The following SERPINA1 variants were observed in gnomAD, a reference collection of about 807,000 sequenced individuals.
SERPINA1 encodes alpha-1-antitrypsin.
SERPINA1 carries 21 observed loss-of-function variants against 25.4 expected under a neutral mutation model. The observed-to-expected ratio is 0.83, with a 90% confidence interval of 0.59 to 1.19. The LOEUF (loss-of-function observed/expected upper bound fraction) is 1.19. Ranked by LOEUF, SERPINA1 falls within the 50% of genes most tolerant of loss-of-function variation. The pLI is 0.00. For missense variants in SERPINA1, 546 were observed against 509.0 expected, an observed-to-expected ratio of 1.07 and a Z score of -0.70; for synonymous variants, 218 against 211.1, an observed-to-expected ratio of 1.03 and a Z score of -0.29.
chr14:94,380,905 T>C lies in SERPINA1; in HGVS notation c.883A>G (p.Ile295Val). Residue 295 changes from isoleucine (I) to valine (V), a missense_variant, in exon 3 of 5, where the codon ATC becomes GTC. Physicochemically the swap from Ile to Val is conservative, Grantham distance 29. Coordinates refer to ENST00000393087, the MANE Select transcript of SERPINA1 (RefSeq NM_000295.5). ...TCATTTTCCAGGAACTTGGTGATGATATCGTGGGTGAGTTCATTTTCCAGG... is the reference window on the plus strand; with the variant it reads ...TCATTTTCCAGGAACTTGGTGATGACATCGTGGGTGAGTTCATTTTCCAGG... ...QHLENELTHD[I>V]ITKFLENEDR... The C allele has an allele frequency of 6.2e-7, 1 of 1,614,222 alleles. No individual in the cohort carries two copies. Among genetic ancestry groups the C allele is most frequent in the Admixed American group, 1.7e-5 (1 of 60,022 alleles).
At chr14:94,383,394 A>G in intron 1 of SERPINA1, 153 bp from the exon 2 acceptor site, 1 of 747,768 alleles carries the variant, frequency 1.3e-6, no homozygotes. Context: ...AAGAATCAGA[A>G]GAATAGCAAA....
chr14:94,383,488 G>A, intron 1 of SERPINA1: 1 of 575,024 alleles, frequency 1.7e-6, no homozygotes, highest in African/African-American at 1.9e-5. Flanking sequence ...ACAATCCCGT[G>A]AGGTGCTAAT....
In SERPINA1 at chr14:94,376,971, G is replaced by A. The variant is rs1896405740; in HGVS notation, c.*1478C>T. The A allele has an allele frequency of 6.6e-6, 1 of 152,218 alleles. No homozygotes were observed. The highest frequency in any genetic ancestry group is 2.4e-5 in the African/African-American group (1 of 41,456). 9.4% of individuals were successfully genotyped at this position (152,218 alleles called of 1,614,324 possible). On this transcript the variant is annotated 3_prime_UTR_variant, in exon 5 of 5. Transcript: ENST00000393087. ...CTGGTGTCATCCTAGGGGGCTTGGT[G>A]ATGGCCATATCTTTAATGTATTTGT... is the stretch of plus-strand genomic sequence containing the variant.
intron 1 of SERPINA1, among the ~76,000 whole-genome samples, chr14:94,385,338 G>GT (rs992623957): frequency 3.9e-5 from 6 of 152,100 alleles, no homozygotes; most frequent in Admixed American, 2.0e-4. Context: ...AGGTTTTTGG[G>GT]TTTTTTTTGA....
At chr14:94,385,707 G>A (rs1041376579) in intron 1 of SERPINA1, among the ~76,000 whole-genome samples, 7 of 152,214 alleles carry the variant, frequency 4.6e-5, no homozygotes, top group Admixed American at 4.6e-4. Context: ...TGAGACAGGT[G>A]CCCTCCTAGA....
At chr14:94,383,341 A>T in intron 1 of SERPINA1, 100 bp from the exon 2 acceptor site, 1 of 1,317,244 alleles carries the variant, frequency 7.6e-7, no homozygotes, top group East Asian at 2.5e-5. Flanking sequence ...AGGGATTATT[A>T]AACCAGCCTG....
chr14:94,379,192 T>C (rs986950010), intron 4 of SERPINA1: 2 of 600,832 alleles, frequency 3.3e-6, no homozygotes, highest in African/African-American at 3.7e-5. Flanking sequence ...CAAGGCCCAA[T>C]GTCTAGAAGG....
intron 2 of SERPINA1, among the ~76,000 whole-genome samples, chr14:94,381,992 G>A (rs1896961984): frequency 6.6e-6 from 1 of 152,194 alleles, no homozygotes; most frequent in Non-Finnish European, 1.5e-5. Flanking sequence ...TCAGGGGCAG[G>A]AAGGCAGCCT....
At chr14:94,382,248 G>A (rs1896978441) in intron 2 of SERPINA1, among the ~76,000 whole-genome samples, 1 of 152,202 alleles carries the variant, frequency 6.6e-6, no homozygotes, top group African/African-American at 2.4e-5. Flanking sequence ...CTAGAGTCGT[G>A]TAAAGTATGT....
Position 94,379,145 on chromosome 14 carries a change from ACTTAGCCCAAAC to A in SERPINA1, c.1065+307_1065+318del. On this transcript the variant is annotated intron_variant, in intron 4 of 4. Transcript: ENST00000393087. ...AGGAGTCAGAAATTCCTTTGAAACA[ACTTAGCCCAAAC>A]CTTTCTGTGTCAGTATGGATAAATC... 2.1e-5 allele frequency: 12 copies of A among 584,912 alleles called. No individual in the cohort carries two copies. The South Asian group carries it at 2.6e-4, about 13-fold the overall frequency. The allele number at this position is 584,912 out of a possible 1,614,324, so 36.2% of individuals were successfully genotyped here.
At chr14:94,387,970 C>T (rs141323527) in intron 1 of SERPINA1, among the ~76,000 whole-genome samples, 54 of 152,212 alleles carry the variant, frequency 3.5e-4, no homozygotes, top group African/African-American at 1.1e-3. Context: ...CAGAGGTCCA[C>T]GGTGCATGGG....
At chr14:94,389,949 T>G (rs1897580761), upstream of SERPINA1, 1 of 152,216 alleles carries the variant, frequency 6.6e-6, no homozygotes, top group African/African-American at 2.4e-5. Flanking sequence ...TGAGCTGCTG[T>G]GAGGATTAAA....
Position 94,382,683 on chromosome 14 carries a change from C to T in SERPINA1, c.555G>A (p.Val185=), listed in dbSNP as rs1362069336. The change falls in exon 2 of 5, where the codon GTG becomes GTA. Residue 185 remains valine (V), a synonymous_variant. Coordinates refer to ENST00000393087, the MANE Select transcript of SERPINA1 (RefSeq NM_000295.5). ...EEAKKQINDY[V]EKGTQGKIVD... ...CAATTTTCCCTTGAGTACCCTTCTC[C>T]ACGTAATCGTTGATCTGTTTCTTGG... is the stretch of plus-strand genomic sequence containing the variant. 4 of 1,614,250 alleles carry T rather than the reference C, an allele frequency of 2.5e-6. No individual in the cohort carries two copies. The highest frequency in any genetic ancestry group is 3.4e-6 in the Non-Finnish European group (4 of 1,180,050).
intron 1 of SERPINA1, chr14:94,384,218 T>G (rs1369461762): frequency 2.0e-5 from 3 of 152,196 alleles, no homozygotes. Context: ...TCTGTCACTT[T>G]CCAGGTGTAT....
Position 94,383,083 on chromosome 14 carries a change from G to C in SERPINA1, c.155C>G (p.Pro52Arg), listed in dbSNP as rs944607375. The C allele has an allele frequency of 6.2e-7, 1 of 1,614,232 alleles. No individual in the cohort carries two copies. Among genetic ancestry groups the C allele is most frequent in the South Asian group, 1.1e-5 (1 of 91,086 alleles). Residue 52 changes from proline (P) to arginine (R), a missense_variant, in exon 2 of 5, where the codon CCC becomes CGC. Pro to Arg is a moderately radical substitution (Grantham distance 103). Coordinates refer to ENST00000393087, the MANE Select transcript of SERPINA1 (RefSeq NM_000295.5). ...GCTGAAGGCGAACTCAGCCAGGTTG[G>C]GGGTGATCTTGTTGAAGGTTGGGTG... ...QDHPTFNKIT[P>R]NLAEFAFSLY...
At position 94,378,249 on chromosome 14, in the gene SERPINA1, C is replaced by T. The variant is rs1417791276; in HGVS notation, c.*200G>A. 9.8e-6 allele frequency: 6 copies of T among 612,766 alleles called. No homozygotes were observed. In the African/African-American group the frequency reaches 1.1e-4, roughly 11 times the overall value. The allele number at this position is 612,766 out of a possible 1,614,324, so 38.0% of individuals were successfully genotyped here. On this transcript the variant is annotated 3_prime_UTR_variant, in exon 5 of 5. Transcript: ENST00000393087. Reference sequence around the variant, plus strand: ...GCATGTGCCTACCCAGCCAGATGCTCCATGAACACAGTTCAGGGGGCCCGA... The same window carrying T: ...GCATGTGCCTACCCAGCCAGATGCTTCATGAACACAGTTCAGGGGGCCCGA...
At chr14:94,385,807 A>G (rs534660064) in intron 1 of SERPINA1, among the ~76,000 whole-genome samples, 4 of 152,220 alleles carry the variant, frequency 2.6e-5, no homozygotes, top group African/African-American at 7.2e-5. Context: ...ATTCCCCCAC[A>G]CCCATCCATC....
intron 2 of SERPINA1, 79 bp from the exon 3 acceptor site, chr14:94,381,220 T>G: frequency 6.9e-7 from 1 of 1,440,898 alleles, no homozygotes; most frequent in Non-Finnish European, 9.5e-7. Context: ...AAACCATGAG[T>G]CCCCTCCCTG....
At chr14:94,384,442 G>A (rs1897163226) in intron 1 of SERPINA1, among the ~76,000 whole-genome samples, 1 of 152,166 alleles carries the variant, frequency 6.6e-6, no homozygotes, top group African/African-American at 2.4e-5. Context: ...TTCATACCCG[G>A]GGCTGAGACA....
Sources: allele counts gnomAD v4.1 joint callset (sites outside exome capture counted in the v4.1 genomes callset), GRCh38; gene constraint gnomAD v4.1.1; transcripts MANE v1.5; gene names NCBI Gene and HGNC (gene_info 2026-07-23, HGNC 2026-07-21).